Variants in PIK3C2G observed in about 807,000 individuals in gnomAD.
The protein encoded by PIK3C2G is phosphatidylinositol-4-phosphate 3-kinase catalytic subunit type 2 gamma.
In PIK3C2G, 168 loss-of-function variants were observed where a neutral mutation model predicts 181.1. That is an observed-to-expected ratio of 0.93 (90% CI 0.82 to 1.05). The LOEUF (loss-of-function observed/expected upper bound fraction) is 1.05, where lower values mean the gene tolerates loss of function less well. PIK3C2G is among the 50% of genes least tolerant of loss of function. PIK3C2G has a pLI of 0.00. For synonymous variants in PIK3C2G, 573 were observed against 592.2 expected (o/e 0.97, Z 0.47); for missense variants, 1,869 against 1,732.8 (o/e 1.08, Z -1.40).
At position 18,462,260 on chromosome 12, in the gene PIK3C2G, G is replaced by A. The variant is rs115142657; in HGVS notation, c.2505-26189G>A. Among the ~76,000 whole-genome samples the A allele has an allele frequency of 7.1e-3, 1,082 of 152,164 alleles. 6 individuals are homozygous for A. The highest frequency in any genetic ancestry group is 0.019 in the African/African-American group (791 of 41,514). On this transcript the variant is annotated intron_variant, in intron 18 of 32. Transcript: ENST00000538779. ...AGTCTGTTAGCTAATCCTTACAAACGGCTGAAGAAATTTAATTCCAATATT... is the reference window on the plus strand; with the variant it reads ...AGTCTGTTAGCTAATCCTTACAAACAGCTGAAGAAATTTAATTCCAATATT...
the PIK3C2G span, chr12:18,687,994 T>C: frequency 6.6e-7 from 1 of 1,515,494 alleles, no homozygotes; most frequent in Non-Finnish European, 9.0e-7. Flanking sequence ...GTCTTATGAA[T>C]AATAAATATG....
chr12:18,455,338 A>G (rs4237975), intron 18 of PIK3C2G, among the ~76,000 whole-genome samples: 131,864 of 151,862 alleles, frequency 0.87, 57,474 homozygotes, highest in East Asian at 0.95. Context: ...GTATGCCAGG[A>G]GGTTGGGAAG....
intron 1 of PIK3C2G, among the ~76,000 whole-genome samples, chr12:18,263,133 G>T (rs1948320938): frequency 6.6e-6 from 1 of 151,894 alleles, no homozygotes; most frequent in South Asian, 2.1e-4. Flanking sequence ...AATTTCTTAT[G>T]CAAAAATATG....
At chr12:18,420,120 T>C (rs1422065503) in intron 16 of PIK3C2G, among the ~76,000 whole-genome samples, 1 of 152,150 alleles carries the variant, frequency 6.6e-6, no homozygotes, top group African/African-American at 2.4e-5. Context: ...AAAAATTGTT[T>C]CTTTAAAATT....
chr12:18,303,124 TTC>T (rs1950258242), intron 5 of PIK3C2G, among the ~76,000 whole-genome samples: 1 of 108,674 alleles, frequency 9.2e-6, no homozygotes, highest in South Asian at 2.8e-4. Context: ...CCTTCTTTCT[TTC>T]TTTCTTTCTT....
chr12:18,693,416 G>A, the PIK3C2G span: 1 of 1,604,858 alleles, frequency 6.2e-7, no homozygotes, highest in Non-Finnish European at 8.5e-7. Flanking sequence ...ATTATGAAGA[G>A]ATGGGTATAA....
intron 16 of PIK3C2G, among the ~76,000 whole-genome samples, chr12:18,403,439 C>T (rs1028321141): frequency 6.6e-6 from 1 of 152,110 alleles, no homozygotes; most frequent in Non-Finnish European, 1.5e-5. Context: ...CAGAAATGAA[C>T]CTTTCAACTC....
intron 16 of PIK3C2G, among the ~76,000 whole-genome samples, chr12:18,413,557 T>C (rs967283256): frequency 2.6e-5 from 4 of 152,146 alleles, no homozygotes; most frequent in African/African-American, 7.2e-5. Context: ...ATTTGTTACA[T>C]TGTAATAATC....
chr12:18,274,608 A>T (rs1948896668), intron 1 of PIK3C2G, among the ~76,000 whole-genome samples: 1 of 152,042 alleles, frequency 6.6e-6, no homozygotes, highest in South Asian at 2.1e-4. Context: ...AACAATGAGA[A>T]CACATGGACA....
the PIK3C2G span, among the ~76,000 whole-genome samples, chr12:18,697,752 T>G: frequency 6.6e-6 from 1 of 152,104 alleles, no homozygotes; most frequent in South Asian, 2.1e-4. Flanking sequence ...CTTTATTTAC[T>G]ATAATAATGT....
intron 1 of PIK3C2G, among the ~76,000 whole-genome samples, chr12:18,274,677 T>A (rs533967780): frequency 1.3e-5 from 2 of 152,170 alleles, no homozygotes; most frequent in East Asian, 3.9e-4. Context: ...GGGGGAGGGA[T>A]AGCATTAGGA....
intron 29 of PIK3C2G, among the ~76,000 whole-genome samples, chr12:18,582,477 C>A (rs1021913586): frequency 6.6e-6 from 1 of 152,148 alleles, no homozygotes; most frequent in South Asian, 2.1e-4. Flanking sequence ...CTAAGACACA[C>A]GTGAAGCACC....
intron 14 of PIK3C2G, among the ~76,000 whole-genome samples, chr12:18,386,786 G>T (rs1208114678): frequency 6.6e-6 from 1 of 151,982 alleles, no homozygotes; most frequent in Non-Finnish European, 1.5e-5. Context: ...AACATGTATG[G>T]ACATGTTTTT....
At chr12:18,369,078 A>C (rs1941843513) in intron 12 of PIK3C2G, among the ~76,000 whole-genome samples, 1 of 152,174 alleles carries the variant, frequency 6.6e-6, no homozygotes, top group Non-Finnish European at 1.5e-5. Context: ...CTGCTCTAAT[A>C]ATTTAACATC....
intron 28 of PIK3C2G, among the ~76,000 whole-genome samples, chr12:18,563,765 G>A (rs940581168): frequency 2.0e-5 from 3 of 151,902 alleles, no homozygotes; most frequent in Non-Finnish European, 2.9e-5. Flanking sequence ...GTTTTTCTTC[G>A]ATTATTGGGA....
At chr12:18,618,444 A>G (rs1365945579) in intron 31 of PIK3C2G, among the ~76,000 whole-genome samples, 1 of 152,242 alleles carries the variant, frequency 6.6e-6, no homozygotes, top group Non-Finnish European at 1.5e-5. Context: ...AACAAAAGTT[A>G]GAACAGAATT....
At chr12:18,358,265 G>A (rs1940925146) in intron 11 of PIK3C2G, among the ~76,000 whole-genome samples, 1 of 152,226 alleles carries the variant, frequency 6.6e-6, no homozygotes, top group African/African-American at 2.4e-5. Context: ...CTTACCGGAA[G>A]TAGTCCACTA....
intron 11 of PIK3C2G, among the ~76,000 whole-genome samples, chr12:18,353,306 G>A (rs1006197760): frequency 2.6e-5 from 4 of 151,882 alleles, no homozygotes; most frequent in Admixed American, 1.3e-4. Flanking sequence ...ATGGCCTCTA[G>A]GCACATGAGG....
chr12:18,547,828 G>A (rs1160709541), intron 26 of PIK3C2G, among the ~76,000 whole-genome samples: 2 of 151,964 alleles, frequency 1.3e-5, no homozygotes, highest in Non-Finnish European at 2.9e-5. Context: ...ATGTTCGACT[G>A]TGGCCAAAGA....
Sources: gnomAD v4.1 joint callset for allele counts (sites outside exome capture counted in the v4.1 genomes callset) on GRCh38, gnomAD v4.1.1 for gene constraint, MANE v1.5 for transcripts, NCBI Gene and HGNC (gene_info 2026-07-23, HGNC 2026-07-21) for gene names.